SLC6A3: variants seen among roughly 807,000 people sequenced by gnomAD.
SLC6A3 encodes solute carrier family 6 member 3.
In SLC6A3, 19 loss-of-function variants were observed where a neutral mutation model predicts 70.4. The observed-to-expected ratio is 0.27, with a 90% confidence interval of 0.19 to 0.40. SLC6A3 has a LOEUF of 0.40. SLC6A3 is among the 10% of genes least tolerant of loss of function. The pLI is 1.00. For synonymous variants in SLC6A3, 368 were observed against 356.6 expected, an observed-to-expected ratio of 1.03 and a Z score of -0.36; for missense variants, 613 against 838.5, an observed-to-expected ratio of 0.73 and a Z score of 3.32.
chr5:1,415,193 G>T (rs146582371), intron 7 of SLC6A3, among the ~76,000 whole-genome samples: 1 of 152,208 alleles, frequency 6.6e-6, no homozygotes, highest in African/African-American at 2.4e-5. Context: ...ATGGGGTCTC[G>T]GGGGCTGTGT....
chr5:1,416,391 C>A, intron 6 of SLC6A3, 190 bp from the exon 7 acceptor site: 1 of 629,758 alleles, frequency 1.6e-6, no homozygotes, highest in Non-Finnish European at 2.8e-6. Context: ...GGGCCAGCGG[C>A]CTGGAAGAGC....
Position 1,438,008 on chromosome 5 carries a change from C to A in SLC6A3, c.418+3351G>T, listed in dbSNP as rs556891181. The stretch of plus-strand genomic sequence containing the variant: ...ATCTGATTTCATAAGCAATGTCAGT[C>A]TCCTCTAAACTGGCATCCTGCGCTT... On this transcript the variant is annotated intron_variant, in intron 3 of 14. Coordinates refer to ENST00000270349, the MANE Select transcript of SLC6A3 (RefSeq NM_001044.5). The surrounding 1 kb of genome is among the most constrained non-coding windows in gnomAD (Gnocchi z 6.5). Among the ~76,000 whole-genome samples, 3 of 152,320 alleles carry A rather than the reference C, an allele frequency of 2.0e-5. No homozygotes were observed. In the South Asian group the frequency reaches 6.2e-4, roughly 32 times the overall value.
intron 1 of SLC6A3, among the ~76,000 whole-genome samples, chr5:1,444,924 G>A (rs1349554778): frequency 2.0e-5 from 3 of 152,072 alleles, no homozygotes; most frequent in Non-Finnish European, 4.4e-5. Flanking sequence ...CCCCAACACA[G>A]ACAAAGCCCC....
rs558366540 is a variant in SLC6A3, at chr5:1,422,833, C to A, written c.654-819G>T. ...CCACCGCTGCCCACAGTGCTGCCCA[C>A]GCTGCTGGGTGCCCACTGCTGCCCA... On this transcript the variant is annotated intron_variant, in intron 4 of 14. Transcript: ENST00000270349. Among the ~76,000 whole-genome samples, 10 of 72,744 alleles carry A rather than the reference C, an allele frequency of 1.4e-4. 1 individual carries two copies. In the South Asian group the frequency reaches 3.8e-3, roughly 27 times the overall value. The allele number at this position is 72,744 out of a possible 152,430, so 47.7% of individuals were successfully genotyped here.
chr5:1,438,473 C>T lies in SLC6A3; in HGVS notation c.418+2886G>A, dbSNP rs1026859411. 2.6e-5 allele frequency among the ~76,000 whole-genome samples: 4 copies of T among 152,228 alleles called. No individual in the cohort carries two copies. The highest frequency in any genetic ancestry group is 7.2e-5 in the African/African-American group (3 of 41,452). ...CTTCAGAACGAGGTGCCACTGCTCA[C>T]GCTGATGGAAGTCAGAGGTTCTCTA... On this transcript the variant is annotated intron_variant, in intron 3 of 14. Coordinates refer to ENST00000270349, the MANE Select transcript of SLC6A3 (RefSeq NM_001044.5). The surrounding 1 kb of genome is among the most constrained non-coding windows in gnomAD (Gnocchi z 6.5).
chr5:1,412,228 G>A (rs28363096), intron 8 of SLC6A3, among the ~76,000 whole-genome samples: 22 of 152,256 alleles, frequency 1.4e-4, no homozygotes, highest in African/African-American at 5.3e-4. Context: ...GGGTCCCTGC[G>A]AGTGAAGCTT....
chr5:1,397,732 T>A lies in SLC6A3; in HGVS notation c.1840-2974A>T, dbSNP rs1755754797. On this transcript the variant is annotated intron_variant, in intron 14 of 14. Transcript: ENST00000270349. The surrounding 1 kb of genome is among the most constrained non-coding windows in gnomAD (Gnocchi z 4.7). ...TAGTGAGGGAGGTTAGCAAGAGACC[T>A]CCTCAAAGGAATGTCTGAAGGATGC... Among the ~76,000 whole-genome samples, 1 of 152,176 alleles carries A rather than the reference T, an allele frequency of 6.6e-6. No homozygotes were observed. Among genetic ancestry groups the A allele is most frequent in the South Asian group, 2.1e-4 (1 of 4,828 alleles).
intron 2 of SLC6A3, 30 bp from the exon 3 acceptor site, chr5:1,441,520 G>C (rs1053756483): frequency 1.9e-6 from 3 of 1,610,780 alleles, no homozygotes; most frequent in Non-Finnish European, 1.7e-6. Context: ...CTTTAGTTTG[G>C]GGCCTCGGAA....
At position 1,405,608 on chromosome 5, in the gene SLC6A3, T is replaced by C. The variant is rs11133768; in HGVS notation, c.1599+580A>G. 0.11 allele frequency among the ~76,000 whole-genome samples: 16,161 copies of C among 152,248 alleles called. 1,341 individuals carry two copies. The highest frequency in any genetic ancestry group is 0.23 in the African/African-American group (9,579 of 41,534). On this transcript the variant is annotated intron_variant, in intron 12 of 14. Coordinates refer to ENST00000270349, the MANE Select transcript of SLC6A3 (RefSeq NM_001044.5). The surrounding 1 kb of genome is among the most constrained non-coding windows in gnomAD (Gnocchi z 5.3). ...TGGGGGAAGCACTGCAGGCAATCCC[T>C]AATGAAAGTGTGCGGCCACCTTCCA...
rs527969867 is a variant in SLC6A3 at position 1,418,756 on chromosome 5, A to C, written c.927+1813T>G. ...CCACCCATCCATCATCCATCCATCC[A>C]TCCATGCTGTCCAGCTACCTACCTA... On this transcript the variant is annotated intron_variant, in intron 6 of 14. Coordinates refer to ENST00000270349, the MANE Select transcript of SLC6A3 (RefSeq NM_001044.5). Among the ~76,000 whole-genome samples, 9 of 149,502 alleles carry C rather than the reference A, an allele frequency of 6.0e-5. No individual in the cohort carries two copies. The East Asian group carries it at 1.8e-3, about 30-fold the overall frequency.
In SLC6A3 at chr5:1,397,349, C is replaced by T. The variant is rs966247314; in HGVS notation, c.1840-2591G>A. Among the ~76,000 whole-genome samples the T allele has an allele frequency of 1.3e-4, 20 of 152,226 alleles. No homozygotes were observed. Among genetic ancestry groups the T allele is most frequent in the African/African-American group, 2.9e-4 (12 of 41,524 alleles). ...GGGAGGCTGAGGCAGGAGAATGGCG[C>T]GAACCCGGGAGGCGGAGCTTGCAGT... On this transcript the variant is annotated intron_variant, in intron 14 of 14. Transcript: ENST00000270349. This position sits in a 1 kb window ranked among gnomAD's most constrained non-coding sequence, Gnocchi z 4.7.
At chr5:1,400,791 C>T in intron 14 of SLC6A3, 124 bp downstream of exon 14, 2 of 745,562 alleles carry the variant, frequency 2.7e-6, no homozygotes, top group Non-Finnish European at 4.7e-6. Flanking sequence ...TCATAGAGCA[C>T]ATGCTGGCTG....
chr5:1,444,717 G>T (rs910434142), intron 1 of SLC6A3, among the ~76,000 whole-genome samples: 1 of 152,206 alleles, frequency 6.6e-6, no homozygotes, highest in Non-Finnish European at 1.5e-5. Context: ...AGCCGCCGCC[G>T]CCCTGGGGCC....
In SLC6A3 at chr5:1,394,448, G is replaced by A; in HGVS notation, c.*287C>T. 1.8e-6 allele frequency: 1 copy of A among 567,216 alleles called. No individual in the cohort carries two copies. 35.1% of individuals were successfully genotyped at this position (567,216 alleles called of 1,614,324 possible). On this transcript the variant is annotated 3_prime_UTR_variant, in exon 15 of 15. Coordinates refer to ENST00000270349, the MANE Select transcript of SLC6A3 (RefSeq NM_001044.5). The surrounding 1 kb of genome is among the most constrained non-coding windows in gnomAD (Gnocchi z 4.7). ...GGAGGGAGGGAGCCTCACACAGACA[G>A]CATGAAGTTAGACGTTTTTCTGCCC...
In SLC6A3 at chr5:1,404,442, T is replaced by C. The variant is rs1755923807; in HGVS notation, c.1600-1353A>G. 6.6e-6 allele frequency among the ~76,000 whole-genome samples: 1 copy of C among 152,252 alleles called. No homozygotes were observed. Among genetic ancestry groups the C allele is most frequent in the Non-Finnish European group, 1.5e-5 (1 of 68,036 alleles). On this transcript the variant is annotated intron_variant, in intron 12 of 14. Transcript: ENST00000270349. This position sits in a 1 kb window ranked among gnomAD's most constrained non-coding sequence, Gnocchi z 5.2. ...ATTGCTGTAATGTGCTCTCTGTTATTGTTCAACTTCTTGCTAGATACCACC... is the reference window on the plus strand; with the variant it reads ...ATTGCTGTAATGTGCTCTCTGTTATCGTTCAACTTCTTGCTAGATACCACC...
At chr5:1,430,655 C>T (rs561184248) in intron 4 of SLC6A3, among the ~76,000 whole-genome samples, 10 of 152,306 alleles carry the variant, frequency 6.6e-5, no homozygotes, top group African/African-American at 2.4e-4. Context: ...GAAAAGACCT[C>T]AGTGATGTCT....
intron 7 of SLC6A3, among the ~76,000 whole-genome samples, chr5:1,415,255 T>G (rs1442683785): frequency 6.6e-6 from 1 of 152,210 alleles, no homozygotes; most frequent in East Asian, 1.9e-4. Flanking sequence ...GGCCCCACTC[T>G]GAGGGCTGAG....
Position 1,438,686 on chromosome 5 carries a change from T to G in SLC6A3, c.418+2673A>C, listed in dbSNP as rs1391655968. ...TTTTCTCCTGCCCTCCTCACCTGAATCCTGCACGTGAAGAGGTGATTTAAC... is the reference window on the plus strand; with the variant it reads ...TTTTCTCCTGCCCTCCTCACCTGAAGCCTGCACGTGAAGAGGTGATTTAAC... On this transcript the variant is annotated intron_variant, in intron 3 of 14. Coordinates refer to ENST00000270349, the MANE Select transcript of SLC6A3 (RefSeq NM_001044.5). The surrounding 1 kb of genome is among the most constrained non-coding windows in gnomAD (Gnocchi z 6.5). Among the ~76,000 whole-genome samples, 2 of 152,182 alleles carry G rather than the reference T, an allele frequency of 1.3e-5. No individual in the cohort carries two copies. Among genetic ancestry groups the G allele is most frequent in the Non-Finnish European group, 2.9e-5 (2 of 68,036 alleles).
At chr5:1,409,260 A>C in intron 10 of SLC6A3, 135 bp from the exon 11 acceptor site, 1 of 728,968 alleles carries the variant, frequency 1.4e-6, no homozygotes. Flanking sequence ...TTCAACCCAC[A>C]TGCAGCTTCT....
Sources: allele counts gnomAD v4.1 joint callset (sites outside exome capture counted in the v4.1 genomes callset), GRCh38; gene constraint gnomAD v4.1.1; non-coding constraint Gnocchi (gnomAD v3.1); transcripts MANE v1.5; gene names NCBI Gene and HGNC (gene_info 2026-07-23, HGNC 2026-07-21).